The following IMMP2L variants were observed in gnomAD, a reference collection of about 807,000 sequenced individuals.
IMMP2L encodes mitochondrial inner membrane protease subunit 2.
IMMP2L carries 18 observed loss-of-function variants against 19.3 expected under a neutral mutation model. The ratio of observed to expected loss-of-function variants is 0.93; its 90% CI spans 0.64 to 1.38. IMMP2L has a LOEUF of 1.38. Ranked by LOEUF, IMMP2L falls within the 40% of genes most tolerant of loss-of-function variation. The probability of loss-of-function intolerance (pLI) is 0.00; values close to 1 mark genes in which losing one functional copy is unlikely to be tolerated. For synonymous variants in IMMP2L, 76 were observed against 73.0 expected, an observed-to-expected ratio of 1.04 and a Z score of -0.21; for missense variants, 233 against 218.2, an observed-to-expected ratio of 1.07 and a Z score of -0.43.
chr7:111,280,165 A>C (rs570626661), intron 3 of IMMP2L, among the ~76,000 whole-genome samples: 1 of 152,218 alleles, frequency 6.6e-6, no homozygotes, highest in South Asian at 2.1e-4. Flanking sequence ...ACATCGTCTC[A>C]TTATTCTCAT....
intron 1 of IMMP2L, among the ~76,000 whole-genome samples, chr7:111,559,639 T>C (rs756436593): frequency 3.3e-5 from 5 of 152,120 alleles, no homozygotes; most frequent in Non-Finnish European, 5.9e-5. Flanking sequence ...ATAGGAAAGT[T>C]AGGCACTACA....
intron 3 of IMMP2L, among the ~76,000 whole-genome samples, chr7:111,062,545 T>C (rs1418581188): frequency 6.6e-6 from 1 of 152,190 alleles, no homozygotes; most frequent in East Asian, 1.9e-4. Flanking sequence ...TCTTAACTCA[T>C]TTCAGCACTA....
intron 3 of IMMP2L, among the ~76,000 whole-genome samples, chr7:111,457,932 C>G (rs1257924176): frequency 6.8e-6 from 1 of 147,286 alleles, no homozygotes; most frequent in East Asian, 2.0e-4. Context: ...TTGACTACTT[C>G]TTAGTATAAA....
chr7:110,672,763 TC>T (rs1792011035), intron 5 of IMMP2L, among the ~76,000 whole-genome samples: 1 of 152,166 alleles, frequency 6.6e-6, no homozygotes, highest in South Asian at 2.1e-4. Context: ...CTCCTTTGAC[TC>T]CATGTCTCAT....
chr7:110,784,448 T>C (rs901217126), intron 5 of IMMP2L, among the ~76,000 whole-genome samples: 1 of 151,950 alleles, frequency 6.6e-6, no homozygotes, highest in Admixed American at 6.6e-5. Flanking sequence ...TCCATCTTCA[T>C]CTACCATGAA....
chr7:111,412,850 A>G (rs939662580), intron 3 of IMMP2L, among the ~76,000 whole-genome samples: 8 of 151,872 alleles, frequency 5.3e-5, no homozygotes, highest in African/African-American at 1.9e-4. Flanking sequence ...ATAAACTTCT[A>G]CGTTAACAAG....
rs1316180174 is a variant in IMMP2L, at chr7:111,123,693, C to A, written c.240-160128G>T. The A allele has an allele frequency of 6.2e-7, 1 of 1,613,800 alleles. No individual in the cohort carries two copies. Among genetic ancestry groups the A allele is most frequent in the South Asian group, 1.1e-5 (1 of 91,070 alleles). The stretch of plus-strand genomic sequence containing the variant: ...CCATCGATAGTCTTGCTGTGGATAA[C>A]CTGCCAGATTTAAGAAAAATAGAAG... On this transcript the variant is annotated intron_variant, in intron 3 of 5. Coordinates refer to ENST00000405709, the MANE Select transcript of IMMP2L (RefSeq NM_032549.4). The surrounding 1 kb of genome is among the most constrained non-coding windows in gnomAD (Gnocchi z 6.4).
chr7:110,842,764 C>A (rs1805225325), intron 5 of IMMP2L, among the ~76,000 whole-genome samples: 1 of 152,058 alleles, frequency 6.6e-6, no homozygotes, highest in Non-Finnish European at 1.5e-5. Flanking sequence ...TCTTAGGAAT[C>A]TTTTTTTGTT....
At chr7:110,811,663 T>C (rs79004373) in intron 5 of IMMP2L, among the ~76,000 whole-genome samples, 9,172 of 152,186 alleles carry the variant, frequency 0.06, 450 homozygotes, top group African/African-American at 0.13. Flanking sequence ...AGAGCTATTA[T>C]ATACAGTAAA....
At chr7:111,324,004 G>C (rs1029789515) in intron 3 of IMMP2L, among the ~76,000 whole-genome samples, 2 of 151,988 alleles carry the variant, frequency 1.3e-5, no homozygotes. Flanking sequence ...GGTGGTGGGA[G>C]TGGGGAGGGA....
intron 4 of IMMP2L, among the ~76,000 whole-genome samples, chr7:110,951,302 TA>T (rs1263435330): frequency 3.3e-5 from 5 of 152,146 alleles, no homozygotes; most frequent in South Asian, 4.1e-4. Context: ...AAAATTAAAT[TA>T]AAAAAACTTT....
chr7:111,500,676 G>A (rs1034076233), intron 2 of IMMP2L, among the ~76,000 whole-genome samples: 7 of 152,134 alleles, frequency 4.6e-5, no homozygotes, highest in African/African-American at 1.4e-4. Context: ...AGCCACCGCT[G>A]TTCTGCAGCC....
Position 111,173,417 on chromosome 7 carries a change from C to T in IMMP2L, c.240-209852G>A, listed in dbSNP as rs572042358. The stretch of plus-strand genomic sequence containing the variant: ...TCACTTGTGCACACTTGGCCTCTCA[C>T]ACCCGTTCTGTGAGCTACTTAGTAA... On this transcript the variant is annotated intron_variant, in intron 3 of 5. Transcript: ENST00000405709. Among the ~76,000 whole-genome samples the T allele has an allele frequency of 2.0e-5, 3 of 151,732 alleles. No individual in the cohort carries two copies. In the South Asian group the frequency reaches 6.2e-4, roughly 31 times the overall value.
intron 5 of IMMP2L, among the ~76,000 whole-genome samples, chr7:110,688,207 T>G (rs561220843): frequency 6.6e-6 from 1 of 152,200 alleles, no homozygotes; most frequent in South Asian, 2.1e-4. Flanking sequence ...CCTTCTGAAA[T>G]TCCTGATTTG....
chr7:110,961,887 C>CTGT (rs1179242565), intron 4 of IMMP2L, among the ~76,000 whole-genome samples: 3 of 151,714 alleles, frequency 2.0e-5, no homozygotes, highest in Admixed American at 6.6e-5. Context: ...GAAAGCAGAC[C>CTGT]TGTGGCTGTC....
intron 3 of IMMP2L, among the ~76,000 whole-genome samples, chr7:110,969,428 G>A (rs183652201): frequency 3.9e-5 from 6 of 151,950 alleles, no homozygotes; most frequent in South Asian, 4.2e-4. Flanking sequence ...TCTCAAGCAC[G>A]GAGCTTTGTA....
chr7:111,067,550 A>G (rs1200060747), intron 3 of IMMP2L, among the ~76,000 whole-genome samples: 4 of 152,198 alleles, frequency 2.6e-5, no homozygotes, highest in Non-Finnish European at 5.9e-5. Context: ...CTCCCTTTGG[A>G]AAAGCACATT....
intron 1 of IMMP2L, among the ~76,000 whole-genome samples, chr7:111,530,015 A>G (rs916846681): frequency 2.0e-5 from 3 of 152,174 alleles, no homozygotes; most frequent in Non-Finnish European, 4.4e-5. Context: ...TTCAGTGGAA[A>G]AGCAGGCCCC....
chr7:111,164,903 T>C (rs1185384566), intron 3 of IMMP2L, among the ~76,000 whole-genome samples: 5 of 152,088 alleles, frequency 3.3e-5, no homozygotes, highest in Non-Finnish European at 7.4e-5. Context: ...TTTTTTACTG[T>C]AGAGAAATAC....
Sources: allele counts gnomAD v4.1 joint callset (sites outside exome capture counted in the v4.1 genomes callset), GRCh38; gene constraint gnomAD v4.1.1; non-coding constraint Gnocchi (gnomAD v3.1); transcripts MANE v1.5; gene names NCBI Gene and HGNC (gene_info 2026-07-23, HGNC 2026-07-21).